TMEM131: variants seen among roughly 807,000 people sequenced by gnomAD.
TMEM131 encodes the protein 2610524E03Rik.
A neutral mutation model predicts 211.6 loss-of-function variants in TMEM131; 66 were observed. That is an observed-to-expected ratio of 0.31 (90% CI 0.26 to 0.38). The LOEUF is 0.38. Ranked by LOEUF, TMEM131 falls within the 10% of genes least tolerant of loss-of-function variation. The pLI is 1.00. For synonymous variants in TMEM131, 844 were observed against 841.3 expected (o/e 1.00, Z -0.06); for missense variants, 2,036 against 2,299.3 (o/e 0.89, Z 2.34).
At chr2:97,844,374 T>C in intron 5 of TMEM131, 113 bp from the exon 6 acceptor site, 1 of 381,614 alleles carries the variant, frequency 2.6e-6, no homozygotes, top group Non-Finnish European at 4.9e-6. Context: ...CTTTAAAAGT[T>C]TAAGCTTTAA....
intron 5 of TMEM131, among the ~76,000 whole-genome samples, chr2:97,853,464 G>A (rs1320094405): frequency 1.3e-5 from 2 of 150,252 alleles, no homozygotes; most frequent in African/African-American, 2.5e-5. Flanking sequence ...AATGTAGCTG[G>A]CAGTGGTGGG....
intron 1 of TMEM131, among the ~76,000 whole-genome samples, chr2:97,951,887 A>G (rs1345434288): frequency 6.6e-6 from 1 of 152,140 alleles, no homozygotes; most frequent in Admixed American, 6.5e-5. Flanking sequence ...GGCCAGGCGC[A>G]GTGGCTCACA....
chr2:97,801,218 C>A (rs1326171824), intron 25 of TMEM131, among the ~76,000 whole-genome samples: 1 of 152,184 alleles, frequency 6.6e-6, no homozygotes, highest in Non-Finnish European at 1.5e-5. Context: ...TTGAATTTGG[C>A]CTTGGGCAGA....
chr2:97,915,467 A>C (rs923830599), intron 2 of TMEM131, among the ~76,000 whole-genome samples: 2 of 151,972 alleles, frequency 1.3e-5, no homozygotes, highest in African/African-American at 2.4e-5. Context: ...CTACAGGTGC[A>C]CACCACCACA....
chr2:97,955,553 T>C (rs542812819), intron 1 of TMEM131, among the ~76,000 whole-genome samples: 19 of 152,288 alleles, frequency 1.2e-4, no homozygotes, highest in Non-Finnish European at 2.2e-4. Flanking sequence ...CAAAGGAACC[T>C]GTGAAAATCA....
chr2:97,964,532 T>C (rs1678959581), intron 1 of TMEM131, among the ~76,000 whole-genome samples: 1 of 152,252 alleles, frequency 6.6e-6, no homozygotes. Context: ...GAATTGGATC[T>C]ATTTTTATCA....
At position 97,757,220 on chromosome 2, in the gene TMEM131, G is replaced by A; in HGVS notation, c.5531C>T (p.Ser1844Phe). ...CAAGTCGTCAGCTGGACTGGAGGTG[G>A]AGGGAGCGTGAGGAGCAGGGGAGTT... Reference protein sequence around the residue: ...TENSPAPHAPSTSSPADDLGQ... With the variant: ...TENSPAPHAPFTSSPADDLGQ... The change falls in exon 41 of 41, where the codon TCC becomes TTC. Residue 1844 changes from serine (S) to phenylalanine (F), a missense_variant. Coordinates refer to ENST00000186436, the MANE Select transcript of TMEM131 (RefSeq NM_015348.2). 2 of 1,614,038 alleles carry A rather than the reference G, an allele frequency of 1.2e-6. No homozygotes were observed. The highest frequency in any genetic ancestry group is 2.2e-5 in the South Asian group (2 of 91,080).
chr2:97,855,535 A>G (rs552626315), intron 5 of TMEM131, among the ~76,000 whole-genome samples: 1 of 152,166 alleles, frequency 6.6e-6, no homozygotes, highest in Admixed American at 6.5e-5. Flanking sequence ...CTCCATCTCT[A>G]CCAAAAAATA....
In TMEM131 at chr2:97,807,004, C is replaced by T. The variant is rs184981477; in HGVS notation, c.2056-1301G>A. On this transcript the variant is annotated intron_variant, in intron 19 of 40. Transcript: ENST00000186436. Reference sequence around the variant, plus strand: ...TAACTACTTCCCTCGTGCCTTGTCTCTTGGGGGTGTGGGGGATCAAAAGAG... The same window carrying T: ...TAACTACTTCCCTCGTGCCTTGTCTTTTGGGGGTGTGGGGGATCAAAAGAG... 1.3e-3 allele frequency among the ~76,000 whole-genome samples: 204 copies of T among 152,250 alleles called. 1 individual carries two copies. Among genetic ancestry groups the T allele is most frequent in the Admixed American group, 5.6e-3 (85 of 15,282 alleles).
intron 3 of TMEM131, among the ~76,000 whole-genome samples, chr2:97,901,743 G>A (rs1354400762): frequency 2.0e-5 from 3 of 152,124 alleles, no homozygotes; most frequent in South Asian, 2.1e-4. Context: ...ATCTTGTGAA[G>A]GTAAAGAGTA....
intron 32 of TMEM131, 110 bp from the exon 33 acceptor site, chr2:97,772,534 ATACG>A: frequency 8.1e-7 from 1 of 1,235,538 alleles, no homozygotes; most frequent in Non-Finnish European, 1.1e-6. Context: ...TACACATCAT[ATACG>A]TAAAAACAAA....
intron 4 of TMEM131, 60 bp downstream of exon 4, chr2:97,887,992 G>T: frequency 1.5e-6 from 2 of 1,307,520 alleles, no homozygotes; most frequent in Non-Finnish European, 2.2e-6. Context: ...CAAGACAAAT[G>T]CATGTAAAAT....
intron 2 of TMEM131, among the ~76,000 whole-genome samples, chr2:97,921,039 A>G (rs371302260): frequency 2.0e-5 from 3 of 151,578 alleles, no homozygotes; most frequent in South Asian, 2.1e-4. Flanking sequence ...ATGGAAGGCA[A>G]AGAACTGAGA....
At chr2:97,878,983 T>C (rs908007606) in intron 4 of TMEM131, among the ~76,000 whole-genome samples, 10 of 152,216 alleles carry the variant, frequency 6.6e-5, no homozygotes, top group African/African-American at 2.4e-4. Context: ...ATAAACTTTT[T>C]CATTCTGCTG....
At chr2:97,980,615 C>A (rs1385325386) in intron 1 of TMEM131, among the ~76,000 whole-genome samples, 1 of 152,186 alleles carries the variant, frequency 6.6e-6, no homozygotes, top group African/African-American at 2.4e-5. Flanking sequence ...AAGACTTACA[C>A]ATGAATGTTC....
In TMEM131 at chr2:97,941,548, T is replaced by C. The variant is rs572983391; in HGVS notation, c.188-14061A>G. ...CAGAGTGAACAGGCAACCTACAGAA[T>C]GGGAGAAAATTTTTACCATCTACCT... On this transcript the variant is annotated intron_variant, in intron 1 of 40. Transcript: ENST00000186436. 5.1e-3 allele frequency among the ~76,000 whole-genome samples: 772 copies of C among 152,222 alleles called. 4 individuals are homozygous for C. Among genetic ancestry groups the C allele is most frequent in the Admixed American group, 8.1e-3 (124 of 15,296 alleles).
intron 17 of TMEM131, among the ~76,000 whole-genome samples, chr2:97,812,186 T>G (rs546670859): frequency 6.6e-6 from 1 of 152,376 alleles, no homozygotes; most frequent in South Asian, 2.1e-4. Flanking sequence ...TAAAAATTTG[T>G]GTGTTATAGA....
In TMEM131 at chr2:97,931,733, T is replaced by A. The variant is rs145484554; in HGVS notation, c.188-4246A>T. On this transcript the variant is annotated intron_variant, in intron 1 of 40. Coordinates refer to ENST00000186436, the MANE Select transcript of TMEM131 (RefSeq NM_015348.2). ...AGTCAAATCAGCGATTTTTAAACTTTCTTCTACAAAAACTAGGAACAGAAG... is the reference window on the plus strand; with the variant it reads ...AGTCAAATCAGCGATTTTTAAACTTACTTCTACAAAAACTAGGAACAGAAG... 6.4e-3 allele frequency among the ~76,000 whole-genome samples: 980 copies of A among 152,274 alleles called. 2 individuals carry two copies. The highest frequency in any genetic ancestry group is 9.7e-3 in the Non-Finnish European group (663 of 68,014).
chr2:97,940,889 C>T (rs1191908188), intron 1 of TMEM131, among the ~76,000 whole-genome samples: 1 of 151,886 alleles, frequency 6.6e-6, no homozygotes, highest in South Asian at 2.1e-4. Flanking sequence ...ATGAAAATGG[C>T]CATACTGCCC....
Sources: gnomAD v4.1 joint callset for allele counts (sites outside exome capture counted in the v4.1 genomes callset) on GRCh38, gnomAD v4.1.1 for gene constraint, MANE v1.5 for transcripts, NCBI Gene and HGNC (gene_info 2026-07-23, HGNC 2026-07-21) for gene names.